Variants in PPARA observed in about 807,000 individuals in gnomAD.
PPARA encodes peroxisome proliferator-activated receptor alpha.
Under a neutral mutation model 42.2 loss-of-function variants are expected in PPARA, and 22 were observed. The observed-to-expected ratio is 0.52, with a 90% CI of 0.37 to 0.74. PPARA has a LOEUF of 0.74. Ranked by LOEUF, PPARA falls within the 30% of genes least tolerant of loss-of-function variation. PPARA has a pLI of 0.00. For synonymous variants in PPARA, 242 were observed against 239.3 expected, an observed-to-expected ratio of 1.01 and a Z score of -0.10; for missense variants, 465 against 608.2, an observed-to-expected ratio of 0.76 and a Z score of 2.48.
Position 46,212,788 on chromosome 22 carries a change from G to C in PPARA, c.209-2385G>C, listed in dbSNP as rs979268971. Among the ~76,000 whole-genome samples, 3 of 152,162 alleles carry C rather than the reference G, an allele frequency of 2.0e-5. No homozygotes were observed. Among genetic ancestry groups the C allele is most frequent in the African/African-American group, 7.2e-5 (3 of 41,438 alleles). The stretch of plus-strand genomic sequence containing the variant: ...AGGCGGGCAGATCACTTGAGGTCAG[G>C]AGTTTGAGACCAGCCTGGCCAACAT... On this transcript the variant is annotated intron_variant, in intron 4 of 8. Transcript: ENST00000407236. This position sits in a 1 kb window ranked among gnomAD's most constrained non-coding sequence, Gnocchi z 4.2.
chr22:46,162,615 A>G lies in PPARA; in HGVS notation c.-127+10645A>G, dbSNP rs1926368239. Reference sequence around the variant, plus strand: ...GGCTTGGTGACAGTGGCTCTCCCTGAGACCCCGTGAGGCCAGAGTCCTTGG... The same window carrying G: ...GGCTTGGTGACAGTGGCTCTCCCTGGGACCCCGTGAGGCCAGAGTCCTTGG... On this transcript the variant is annotated intron_variant, in intron 2 of 8. Transcript: ENST00000407236. The surrounding 1 kb of genome is among the most constrained non-coding windows in gnomAD (Gnocchi z 6.0). Among the ~76,000 whole-genome samples, 1 of 152,146 alleles carries G rather than the reference A, an allele frequency of 6.6e-6. No individual in the cohort carries two copies. The highest frequency in any genetic ancestry group is 2.4e-5 in the African/African-American group (1 of 41,426).
Position 46,211,944 on chromosome 22 carries a change from G to A in PPARA, c.209-3229G>A, listed in dbSNP as rs1009086439. The stretch of plus-strand genomic sequence containing the variant: ...CCTGACCTTGTGATCCACCTACCTC[G>A]GCCTCCCAAAGTGTTGGGATTACAG... On this transcript the variant is annotated intron_variant, in intron 4 of 8. Coordinates refer to ENST00000407236, the MANE Select transcript of PPARA (RefSeq NM_005036.6). This position sits in a 1 kb window ranked among gnomAD's most constrained non-coding sequence, Gnocchi z 4.1. Among the ~76,000 whole-genome samples, 13 of 151,556 alleles carry A rather than the reference G, an allele frequency of 8.6e-5. No homozygotes were observed. The highest frequency in any genetic ancestry group is 2.7e-4 in the African/African-American group (11 of 41,326).
intron 2 of PPARA, among the ~76,000 whole-genome samples, chr22:46,169,024 C>T (rs1316632069): frequency 6.6e-6 from 1 of 151,724 alleles, no homozygotes; most frequent in East Asian, 1.9e-4. Context: ...GCCAGGGGCT[C>T]ATGGGGAGGG....
Position 46,180,933 on chromosome 22 carries a change from C to T in PPARA, c.-43+4097C>T, listed in dbSNP as rs1929866347. Among the ~76,000 whole-genome samples the T allele has an allele frequency of 6.6e-6, 1 of 152,138 alleles. No homozygotes were observed. Among genetic ancestry groups the T allele is most frequent in the Non-Finnish European group, 1.5e-5 (1 of 68,018 alleles). On this transcript the variant is annotated intron_variant, in intron 3 of 8. Coordinates refer to ENST00000407236, the MANE Select transcript of PPARA (RefSeq NM_005036.6). The surrounding 1 kb of genome is among the most constrained non-coding windows in gnomAD (Gnocchi z 4.2). ...TTAGCCCGGAAAGGAGATTGGCTCT[C>T]CTGCATCCCGGTGTCCTTCCTAGAC... is the stretch of plus-strand genomic sequence containing the variant.
At chr22:46,202,466 G>A (rs1490936028) in intron 4 of PPARA, among the ~76,000 whole-genome samples, 4 of 151,994 alleles carry the variant, frequency 2.6e-5, no homozygotes, top group Admixed American at 1.3e-4. Context: ...GGCCGGGCAC[G>A]GTGGTCACGT....
At chr22:46,205,313 C>T (rs1933122182) in intron 4 of PPARA, among the ~76,000 whole-genome samples, 1 of 149,322 alleles carries the variant, frequency 6.7e-6, no homozygotes, top group Admixed American at 6.7e-5. Context: ...ACCTCCCAGG[C>T]CCAGGTAATC....
At chr22:46,153,007 G>T (rs375899961) in intron 2 of PPARA, among the ~76,000 whole-genome samples, 24 of 152,328 alleles carry the variant, frequency 1.6e-4, no homozygotes, top group African/African-American at 5.5e-4. Context: ...AATCGCTTGA[G>T]CCTGGGAGGT....
At chr22:46,226,561 G>C (rs558264694) in intron 7 of PPARA, among the ~76,000 whole-genome samples, 25 of 152,268 alleles carry the variant, frequency 1.6e-4, no homozygotes, top group African/African-American at 5.5e-4. Context: ...CTTCAGTTAT[G>C]GAAGATTTTA....
chr22:46,165,544 C>T lies in PPARA; in HGVS notation c.-126-11209C>T, dbSNP rs997072694. Among the ~76,000 whole-genome samples, 3 of 152,168 alleles carry T rather than the reference C, an allele frequency of 2.0e-5. No individual in the cohort carries two copies. Among genetic ancestry groups the T allele is most frequent in the Admixed American group, 6.6e-5 (1 of 15,264 alleles). On this transcript the variant is annotated intron_variant, in intron 2 of 8. Coordinates refer to ENST00000407236, the MANE Select transcript of PPARA (RefSeq NM_005036.6). The surrounding 1 kb of genome is among the most constrained non-coding windows in gnomAD (Gnocchi z 5.5). ...AATTTATGAAAGAAGCAGTTAAGAGCCTGAGTGGCACTTTTGAGGGGCTAG... is the reference window on the plus strand; with the variant it reads ...AATTTATGAAAGAAGCAGTTAAGAGTCTGAGTGGCACTTTTGAGGGGCTAG...
chr22:46,178,705 G>C (rs1455903635), intron 3 of PPARA, among the ~76,000 whole-genome samples: 2 of 152,196 alleles, frequency 1.3e-5, no homozygotes, highest in African/African-American at 4.8e-5. Flanking sequence ...AGAAGGAACA[G>C]TGCCCAGTAC....
At chr22:46,214,572 T>C (rs2147536808) in intron 4 of PPARA, among the ~76,000 whole-genome samples, 1 of 95,968 alleles carries the variant, frequency 1.0e-5, no homozygotes, top group Non-Finnish European at 2.1e-5. Context: ...GGTCCAGAGA[T>C]GTGGGGGTCC....
At chr22:46,152,947 A>T (rs931345875) in intron 2 of PPARA, among the ~76,000 whole-genome samples, 1 of 152,194 alleles carries the variant, frequency 6.6e-6, no homozygotes, top group Non-Finnish European at 1.5e-5. Flanking sequence ...TTGCCTGGGC[A>T]TGGTGGCGGA....
intron 2 of PPARA, among the ~76,000 whole-genome samples, chr22:46,157,553 A>G (rs1160972064): frequency 6.6e-6 from 1 of 152,230 alleles, no homozygotes; most frequent in Non-Finnish European, 1.5e-5. Flanking sequence ...CTTCATAATC[A>G]TCACTAGATT....
intron 2 of PPARA, among the ~76,000 whole-genome samples, chr22:46,159,708 C>T (rs1278609764): frequency 3.3e-5 from 5 of 152,108 alleles, no homozygotes; most frequent in East Asian, 3.8e-4. Flanking sequence ...TTCAATTATG[C>T]GAAGATCTTG....
At chr22:46,169,915 C>T (rs1438434139) in intron 2 of PPARA, among the ~76,000 whole-genome samples, 1 of 152,104 alleles carries the variant, frequency 6.6e-6, no homozygotes, top group East Asian at 1.9e-4. Flanking sequence ...ACTACGTTTA[C>T]TTGAATGATG....
At chr22:46,174,265 G>GTAA in intron 2 of PPARA, among the ~76,000 whole-genome samples, 2 of 149,486 alleles carry the variant, frequency 1.3e-5, no homozygotes, top group Non-Finnish European at 3.0e-5. Context: ...AAGGAAGGAA[G>GTAA]GAAGGAAGGA....
chr22:46,215,339 G>C lies in PPARA; in HGVS notation c.369+6G>C. The C allele has an allele frequency of 6.2e-7, 1 of 1,614,138 alleles. No homozygotes were observed. Among genetic ancestry groups the C allele is most frequent in the Non-Finnish European group, 8.5e-7 (1 of 1,180,012 alleles). ...ACGCGTGTGAAGGCTGCAAGGTAGAGGGGAGCTGGAACAGGGCCTGGTGGC... is the reference window on the plus strand; with the variant it reads ...ACGCGTGTGAAGGCTGCAAGGTAGACGGGAGCTGGAACAGGGCCTGGTGGC... On this transcript the variant is annotated splice_donor_region_variant and intron_variant, in intron 5 of 8. Coordinates refer to ENST00000407236, the MANE Select transcript of PPARA (RefSeq NM_005036.6).
Position 46,182,807 on chromosome 22 carries a change from C to A in PPARA, c.-43+5971C>A, listed in dbSNP as rs76113875. ...TCGTCCAGGCTGGAGTGCAATGGCA[C>A]CGTCTCAGAGCACTGTAACCTCCGC... On this transcript the variant is annotated intron_variant, in intron 3 of 8. Coordinates refer to ENST00000407236, the MANE Select transcript of PPARA (RefSeq NM_005036.6). This position sits in a 1 kb window ranked among gnomAD's most constrained non-coding sequence, Gnocchi z 5.2. 7.1e-4 allele frequency among the ~76,000 whole-genome samples: 108 copies of A among 152,198 alleles called. No homozygotes were observed. Among genetic ancestry groups the A allele is most frequent in the Middle Eastern group, 3.4e-3 (1 of 294 alleles).
Position 46,240,662 on chromosome 22 carries a change from CT to C in PPARA, c.*5283del, listed in dbSNP as rs1291683717. The C allele has an allele frequency of 6.2e-6, 1 of 161,132 alleles. No individual in the cohort carries two copies. The highest frequency in any genetic ancestry group is 1.7e-4 in the East Asian group (1 of 5,812). The allele number at this position is 161,132 out of a possible 1,614,324, so 10.0% of individuals were successfully genotyped here. Reference sequence around the variant, plus strand: ...GATTGTTAAAAATGTCCACGGGAACCTCTCGTCCACAGGAGGTTTGTCTCAA... The same window carrying C: ...GATTGTTAAAAATGTCCACGGGAACCCTCGTCCACAGGAGGTTTGTCTCAA... On this transcript the variant is annotated 3_prime_UTR_variant, in exon 9 of 9. Coordinates refer to ENST00000407236, the MANE Select transcript of PPARA (RefSeq NM_005036.6). The surrounding 1 kb of genome is among the most constrained non-coding windows in gnomAD (Gnocchi z 6.0).
Sources: gnomAD v4.1 joint callset for allele counts (sites outside exome capture counted in the v4.1 genomes callset) on GRCh38, gnomAD v4.1.1 for gene constraint, Gnocchi (gnomAD v3.1) non-coding constraint, MANE v1.5 for transcripts, NCBI Gene and HGNC (gene_info 2026-07-23, HGNC 2026-07-21) for gene names.